RBM19: variants seen among roughly 807,000 people sequenced by gnomAD.
The protein encoded by RBM19 is probable RNA-binding protein 19.
A neutral mutation model predicts 116.8 loss-of-function variants in RBM19; 94 were observed. The observed-to-expected ratio is 0.80, with a 90% CI of 0.68 to 0.95. The LOEUF is 0.95. Ranked by LOEUF, RBM19 falls within the 40% of genes least tolerant of loss-of-function variation. RBM19 has a pLI of 0.00. For missense variants in RBM19, 1,161 were observed against 1,220.7 expected (o/e 0.95, Z 0.73); for synonymous variants, 475 against 494.1 (o/e 0.96, Z 0.51).
At chr12:113,882,857 C>T (rs948980279) in intron 21 of RBM19, among the ~76,000 whole-genome samples, 1 of 152,222 alleles carries the variant, frequency 6.6e-6, no homozygotes, top group East Asian at 1.9e-4. Context: ...TCCAGAGATA[C>T]AAGAGTTCAA....
chr12:113,930,019 G>T (rs989845867), intron 16 of RBM19, among the ~76,000 whole-genome samples: 2 of 152,224 alleles, frequency 1.3e-5, no homozygotes, highest in African/African-American at 4.8e-5. Context: ...AACCTAGCAT[G>T]GCCAGAATTC....
rs1491206356 is a variant in RBM19 at position 113,878,671 on chromosome 12, A to ACACACC, written c.2559-19776_2559-19775insGGTGTG. Among the ~76,000 whole-genome samples, 188 of 141,998 alleles carry ACACACC rather than the reference A, an allele frequency of 1.3e-3. 2 individuals carry two copies. Among genetic ancestry groups the ACACACC allele is most frequent in the Middle Eastern group, 3.6e-3 (1 of 278 alleles). 93.2% of individuals were successfully genotyped at this position (141,998 alleles called of 152,430 possible). The stretch of plus-strand genomic sequence containing the variant: ...CACACACACACACACACACACACAC[A>ACACACC]CCCTCACTCAGCAAACGTCCCATAG... On this transcript the variant is annotated intron_variant, in intron 21 of 23. Coordinates refer to ENST00000261741, the MANE Select transcript of RBM19 (RefSeq NM_016196.4).
In RBM19 at chr12:113,947,454, A is replaced by T. The variant is rs1319051326; in HGVS notation, c.1287T>A (p.Ser429=). 6.2e-7 allele frequency: 1 copy of T among 1,603,126 alleles called. No individual in the cohort carries two copies. The highest frequency in any genetic ancestry group is 2.2e-5 in the East Asian group (1 of 44,576). The change falls in exon 11 of 24, where the codon TCT becomes TCA. Residue 429 remains serine (S), a synonymous_variant. Transcript: ENST00000261741. ...EKLFSKYGPL[S]ELHYPIDSLT... is the part of the protein sequence containing the mutation. ...GGCTGTCGATGGGGTAGTGGAGCTC[A>T]GACAGGGGACCTGAGGACAGGAGAA...
At position 113,889,670 on chromosome 12, in the gene RBM19, C is replaced by CA. The variant is rs112953804; in HGVS notation, c.2558+25298dup. Among the ~76,000 whole-genome samples the CA allele has an allele frequency of 3.3e-3, 215 of 64,184 alleles. 1 individual carries two copies. Among genetic ancestry groups the CA allele is most frequent in the Non-Finnish European group, 4.1e-3 (152 of 36,794 alleles). 42.1% of individuals were successfully genotyped at this position (64,184 alleles called of 152,430 possible). ...TACTAAAAAAACAAAAACAAACAAA[C>CA]AACAAAAAAAAAAACAAAAAGACCC... is the stretch of plus-strand genomic sequence containing the variant. On this transcript the variant is annotated intron_variant, in intron 21 of 23. Transcript: ENST00000261741.
Position 113,956,082 on chromosome 12 carries a change from A to C in RBM19, c.841-871T>G, listed in dbSNP as rs1470628136. Among the ~76,000 whole-genome samples, 3 of 152,302 alleles carry C rather than the reference A, an allele frequency of 2.0e-5. No homozygotes were observed. In the East Asian group the frequency reaches 5.8e-4, roughly 29 times the overall value. On this transcript the variant is annotated intron_variant, in intron 6 of 23. Transcript: ENST00000261741. ...AGTAAAGTATCTCACCCAAGGACCA[A>C]CAGCCACTAAATGATGGAACTAGGA...
chr12:113,947,334 CTGGAA>C lies in RBM19; in HGVS notation c.1402_1406del (p.Phe468GlyfsTer72). On this transcript the variant is annotated frameshift_variant and splice_region_variant, in exon 11 of 24. Transcript: ENST00000261741. LOFTEE classifies it high-confidence loss of function. ...TGGCCAGCCCAGGACGGGGCCTCAC[CTGGAA>C]TACCTGCCCGTCCACCTCCGAGTAG... The C allele has an allele frequency of 6.3e-7, 1 of 1,592,840 alleles. No homozygotes were observed. Among genetic ancestry groups the C allele is most frequent in the East Asian group, 2.3e-5 (1 of 44,326 alleles).
At chr12:113,892,442 A>C (rs559325021) in intron 21 of RBM19, among the ~76,000 whole-genome samples, 1 of 152,172 alleles carries the variant, frequency 6.6e-6, no homozygotes, top group African/African-American at 2.4e-5. Flanking sequence ...CAATTTCCCA[A>C]ACTCTCAGGA....
intron 21 of RBM19, among the ~76,000 whole-genome samples, chr12:113,901,633 C>T (rs1391108424): frequency 4.6e-5 from 7 of 152,096 alleles, no homozygotes; most frequent in Admixed American, 3.3e-4. Context: ...CTTAGCCTCC[C>T]GAGTAGCTGG....
intron 21 of RBM19, among the ~76,000 whole-genome samples, chr12:113,879,609 T>A (rs931755053): frequency 5.9e-5 from 9 of 151,950 alleles, no homozygotes. Context: ...CCACCATGGC[T>A]GGATGGCTCA....
intron 22 of RBM19, among the ~76,000 whole-genome samples, chr12:113,852,390 G>T (rs1593483809): frequency 6.6e-6 from 1 of 152,128 alleles, no homozygotes; most frequent in East Asian, 1.9e-4. Context: ...TGCAAGCTCG[G>T]GATTCAAACA....
chr12:113,873,591 CTTGT>C (rs2135773548), intron 21 of RBM19, among the ~76,000 whole-genome samples: 1 of 124,770 alleles, frequency 8.0e-6, no homozygotes, highest in African/African-American at 3.1e-5. Flanking sequence ...CCTTTGTTCA[CTTGT>C]TTATCTGCTG....
In RBM19 at chr12:113,945,941, G is replaced by C. The variant is rs541021751; in HGVS notation, c.1530-17C>G. 5.9e-6 allele frequency: 9 copies of C among 1,532,458 alleles called. No homozygotes were observed. Among genetic ancestry groups the C allele is most frequent in the Non-Finnish European group, 7.2e-6 (8 of 1,106,406 alleles). The allele number at this position is 1,532,458 out of a possible 1,614,324, so 94.9% of individuals were successfully genotyped here. A position where few individuals can be genotyped will look rare whatever the true frequency, so the allele number is the denominator to read the frequency against. ...TTGTGAGAGCTAAGAGGCAGAGGCAGAACAGGGAGATCAGACCGCAGCTGG... is the reference window on the plus strand; with the variant it reads ...TTGTGAGAGCTAAGAGGCAGAGGCACAACAGGGAGATCAGACCGCAGCTGG... On this transcript the variant is annotated splice_polypyrimidine_tract_variant and intron_variant, in intron 12 of 23. Transcript: ENST00000261741.
chr12:113,878,441 G>C (rs923464938), intron 21 of RBM19, among the ~76,000 whole-genome samples: 1 of 152,148 alleles, frequency 6.6e-6, no homozygotes, highest in African/African-American at 2.4e-5. Flanking sequence ...TTTACCTGAG[G>C]GGGCCTTAAT....
chr12:113,884,473 G>A (rs1008497704), intron 21 of RBM19, among the ~76,000 whole-genome samples: 3 of 152,112 alleles, frequency 2.0e-5, no homozygotes, highest in African/African-American at 7.2e-5. Context: ...TCTCTAGTGG[G>A]TAGAGGCCAG....
chr12:113,887,438 C>A (rs1471674129), intron 21 of RBM19, among the ~76,000 whole-genome samples: 1 of 151,850 alleles, frequency 6.6e-6, no homozygotes, highest in Non-Finnish European at 1.5e-5. Flanking sequence ...GAGATCGAGA[C>A]CATCCTGGCT....
In RBM19 at chr12:113,957,793, C is replaced by T; in HGVS notation, c.829G>A (p.Ala277Thr). 1 of 1,594,828 alleles carries T rather than the reference C, an allele frequency of 6.3e-7. No homozygotes were observed. Among genetic ancestry groups the T allele is most frequent in the Non-Finnish European group, 8.6e-7 (1 of 1,169,362 alleles). ...MPAGKKRPPE[A>T]RAETEKPANQ... ...GGATACACACGCACCTCGGCTCTGG[C>T]CTCCGGTGGTCTCTTTTTCCCAGCT... Residue 277 changes from alanine (A) to threonine (T), a missense_variant, in exon 6 of 24, where the codon GCC becomes ACC. Physicochemically the swap from Ala to Thr is moderately conservative, Grantham distance 58 (BLOSUM62 0). Transcript: ENST00000261741.
At chr12:113,839,826 G>T (rs1876307307) in intron 23 of RBM19, among the ~76,000 whole-genome samples, 1 of 152,232 alleles carries the variant, frequency 6.6e-6, no homozygotes, top group South Asian at 2.1e-4. Flanking sequence ...CAGCCAGAAT[G>T]CGGAATCCAG....
chr12:113,964,612 C>T (rs1214080939), intron 1 of RBM19, among the ~76,000 whole-genome samples: 2 of 152,142 alleles, frequency 1.3e-5, no homozygotes, highest in Non-Finnish European at 2.9e-5. Context: ...AAGTATACTA[C>T]TCAGAGATTA....
chr12:113,841,357 C>T (rs1876453546), intron 23 of RBM19, among the ~76,000 whole-genome samples: 1 of 152,028 alleles, frequency 6.6e-6, no homozygotes, highest in East Asian at 1.9e-4. Flanking sequence ...GGGCCAAAGC[C>T]ATGAAGTCAG....
Sources: allele counts gnomAD v4.1 joint callset (sites outside exome capture counted in the v4.1 genomes callset), GRCh38; gene constraint gnomAD v4.1.1; transcripts MANE v1.5; gene names NCBI Gene and HGNC (gene_info 2026-07-23, HGNC 2026-07-21).